Variants in NOX4 observed in about 807,000 individuals in gnomAD.
NOX4 encodes the protein kidney oxidase-1.
NOX4 carries 69 observed loss-of-function variants against 87.6 expected under a neutral mutation model. The observed-to-expected ratio is 0.79, with a 90% CI of 0.65 to 0.96. The LOEUF is 0.96. Among genes scored for constraint, NOX4 ranks in the 40% least tolerant of loss-of-function variants. The probability of loss-of-function intolerance (pLI) is 0.00; values close to 1 mark genes in which losing one functional copy is unlikely to be tolerated. For synonymous variants in NOX4, 275 were observed against 238.2 expected (o/e 1.15, Z -1.42); for missense variants, 680 against 681.5 (o/e 1.00, Z 0.02).
At chr11:89,392,511 G>A (rs1156560797) in intron 11 of NOX4, among the ~76,000 whole-genome samples, 1 of 152,156 alleles carries the variant, frequency 6.6e-6, no homozygotes, top group Non-Finnish European at 1.5e-5. Flanking sequence ...CAAGAACAAT[G>A]TACTGTTCTT....
chr11:89,510,505 T>C, the NOX4 span, among the ~76,000 whole-genome samples: 1 of 152,040 alleles, frequency 6.6e-6, no homozygotes, highest in Admixed American at 6.6e-5. Context: ...GACAGTAACA[T>C]AAAGTCACAG....
intron 11 of NOX4, among the ~76,000 whole-genome samples, 189 bp from the exon 12 acceptor site, chr11:89,373,681 T>C (rs1294695591): frequency 1.3e-5 from 2 of 151,992 alleles, no homozygotes; most frequent in East Asian, 1.9e-4. Flanking sequence ...AGTAAGACAA[T>C]CTACATTTCT....
At chr11:89,470,802 T>C (rs1945900579) in intron 2 of NOX4, among the ~76,000 whole-genome samples, 1 of 152,190 alleles carries the variant, frequency 6.6e-6, no homozygotes, top group Non-Finnish European at 1.5e-5. Context: ...CTTGGCTACA[T>C]ATACTTTTAT....
intron 6 of NOX4, among the ~76,000 whole-genome samples, chr11:89,436,405 G>A (rs879695164): frequency 3.3e-5 from 5 of 152,064 alleles, no homozygotes; most frequent in Non-Finnish European, 5.9e-5. Context: ...TAATCTCACC[G>A]GGCAAAGTTG....
chr11:89,544,674 CA>C, the NOX4 span, among the ~76,000 whole-genome samples: 1 of 152,146 alleles, frequency 6.6e-6, no homozygotes, highest in South Asian at 2.1e-4. Flanking sequence ...TTCATCTTTA[CA>C]ACACGGTTAG....
At position 89,472,045 on chromosome 11, in the gene NOX4, A is replaced by C. The variant is rs1310178308; in HGVS notation, c.153+18413T>G. Among the ~76,000 whole-genome samples, 4 of 152,154 alleles carry C rather than the reference A, an allele frequency of 2.6e-5. No homozygotes were observed. In the East Asian group the frequency reaches 7.7e-4, roughly 29 times the overall value. ...GCATGAGCTACTGCACCTGGCCTTT[A>C]TTACCTAACTGTTTTGATAAGGTTA... On this transcript the variant is annotated intron_variant, in intron 2 of 17. Coordinates refer to ENST00000263317, the MANE Select transcript of NOX4 (RefSeq NM_016931.5).
chr11:89,542,579 C>A, the NOX4 span, among the ~76,000 whole-genome samples: 2 of 152,318 alleles, frequency 1.3e-5, no homozygotes, highest in Non-Finnish European at 2.9e-5. Flanking sequence ...TGTTCCCCAG[C>A]ATGCCCTAAA....
At position 89,325,112 on chromosome 11, in the gene NOX4, A is replaced by ATTTTTTTT. The variant is rs1590923384; in HGVS notation, c.*1643_*1644insAAAAAAAA. ...ATCACTAAACTGTATGAATGCTTTA[A>ATTTTTTTT]TTCTTTTTTTTTTTTTTTTTTTTTT... On this transcript the variant is annotated 3_prime_UTR_variant, in exon 18 of 18. Transcript: ENST00000263317. 13 of 71,232 alleles carry ATTTTTTTT rather than the reference A, an allele frequency of 1.8e-4. No individual in the cohort carries two copies. The highest frequency in any genetic ancestry group is 4.8e-4 in the African/African-American group (9 of 18,590). 4.4% of individuals were successfully genotyped at this position (71,232 alleles called of 1,614,324 possible).
At chr11:89,536,142 T>TC in the NOX4 span, among the ~76,000 whole-genome samples, 4 of 121,748 alleles carry the variant, frequency 3.3e-5, no homozygotes, top group South Asian at 2.6e-4. Context: ...CCTTTTCTTT[T>TC]TTTTTTTTTT....
intron 17 of NOX4, among the ~76,000 whole-genome samples, chr11:89,329,956 T>C (rs1011794379): frequency 5.9e-5 from 9 of 151,978 alleles, no homozygotes; most frequent in East Asian, 1.9e-4. Context: ...GACACCAAAA[T>C]AGTAAAATCT....
chr11:89,325,115 C>CTTTTTTTTTTTT lies in NOX4; in HGVS notation c.*1629_*1640dup, dbSNP rs141198784. On this transcript the variant is annotated 3_prime_UTR_variant, in exon 18 of 18. Coordinates refer to ENST00000263317, the MANE Select transcript of NOX4 (RefSeq NM_016931.5). ...ACTAAACTGTATGAATGCTTTAATT[C>CTTTTTTTTTTTT]TTTTTTTTTTTTTTTTTTTTTTTTT... The CTTTTTTTTTTTT allele has an allele frequency of 4.5e-3, 346 of 76,298 alleles. 38 individuals are homozygous for CTTTTTTTTTTTT. Among genetic ancestry groups the CTTTTTTTTTTTT allele is most frequent in the African/African-American group, 8.1e-3 (143 of 17,712 alleles). The allele number at this position is 76,298 out of a possible 1,614,324, so 4.7% of individuals were successfully genotyped here.
intron 13 of NOX4, among the ~76,000 whole-genome samples, chr11:89,348,459 A>G (rs560942011): frequency 4.6e-5 from 7 of 151,692 alleles, no homozygotes; most frequent in African/African-American, 1.5e-4. Context: ...AAAACTATAT[A>G]TATATATATA....
chr11:89,538,505 G>A, the NOX4 span, among the ~76,000 whole-genome samples: 1 of 152,100 alleles, frequency 6.6e-6, no homozygotes, highest in Non-Finnish European at 1.5e-5. Flanking sequence ...CATGTTAACA[G>A]CTAGACCTTC....
intron 2 of NOX4, among the ~76,000 whole-genome samples, chr11:89,462,843 T>C (rs1427335200): frequency 6.6e-6 from 1 of 152,006 alleles, no homozygotes; most frequent in Non-Finnish European, 1.5e-5. Context: ...ATATATTAAA[T>C]ATACAGGCAA....
chr11:89,485,413 A>G (rs1946553494), intron 2 of NOX4, among the ~76,000 whole-genome samples: 1 of 152,078 alleles, frequency 6.6e-6, no homozygotes, highest in Non-Finnish European at 1.5e-5. Flanking sequence ...GAATATATAT[A>G]TATAACTAAG....
chr11:89,578,906 G>A, the NOX4 span, among the ~76,000 whole-genome samples: 23 of 152,288 alleles, frequency 1.5e-4, no homozygotes, highest in East Asian at 4.3e-3. Flanking sequence ...ACAGTCAAGA[G>A]TGTTCACTTC....
chr11:89,397,747 CT>C (rs1189081081), intron 11 of NOX4, among the ~76,000 whole-genome samples: 1 of 152,008 alleles, frequency 6.6e-6, no homozygotes, highest in Admixed American at 6.6e-5. Context: ...CACATACACC[CT>C]CCCGAGACTA....
chr11:89,386,339 G>A (rs1940699383), intron 11 of NOX4, among the ~76,000 whole-genome samples: 1 of 152,054 alleles, frequency 6.6e-6, no homozygotes, highest in African/African-American at 2.4e-5. Context: ...TGTTTACACT[G>A]CCAGTTTACA....
chr11:89,543,887 G>C, the NOX4 span, among the ~76,000 whole-genome samples: 1 of 151,780 alleles, frequency 6.6e-6, no homozygotes, highest in Admixed American at 6.6e-5. Flanking sequence ...ATTAATAGTC[G>C]AGGTGACCAC....
Sources: allele counts gnomAD v4.1 joint callset (sites outside exome capture counted in the v4.1 genomes callset), GRCh38; gene constraint gnomAD v4.1.1; transcripts MANE v1.5; gene names NCBI Gene and HGNC (gene_info 2026-07-23, HGNC 2026-07-21).